ADGRL2: variants seen among roughly 807,000 people sequenced by gnomAD.
ADGRL2 encodes the protein adhesion G protein-coupled receptor L2.
In ADGRL2, 44 loss-of-function variants were observed where a neutral mutation model predicts 157.4. The observed-to-expected ratio is 0.28, with a 90% CI of 0.22 to 0.36. The LOEUF (loss-of-function observed/expected upper bound fraction) is 0.36, where lower values mean the gene tolerates loss of function less well. Among genes scored for constraint, ADGRL2 ranks in the 10% least tolerant of loss-of-function variants. The pLI is 1.00. For missense variants in ADGRL2, 1,510 were observed against 1,768.9 expected (o/e 0.85, Z 2.63); for synonymous variants, 585 against 624.7 (o/e 0.94, Z 0.95).
At chr1:81,575,945 G>A (rs2080790178) in intron 2 of ADGRL2, among the ~76,000 whole-genome samples, 1 of 152,040 alleles carries the variant, frequency 6.6e-6, no homozygotes, top group Non-Finnish European at 1.5e-5. Flanking sequence ...TCACTGATTA[G>A]CAACACATTA....
intron 11 of ADGRL2, among the ~76,000 whole-genome samples, chr1:81,963,548 C>T (rs1656126518): frequency 6.6e-6 from 1 of 151,836 alleles, no homozygotes; most frequent in South Asian, 2.1e-4. Context: ...GATAAGAAAA[C>T]TTCTATCTGG....
intron 2 of ADGRL2, among the ~76,000 whole-genome samples, chr1:81,468,515 CA>C (rs1298376328): frequency 6.6e-6 from 1 of 152,052 alleles, no homozygotes; most frequent in Non-Finnish European, 1.5e-5. Flanking sequence ...TTTTCTGTGA[CA>C]ACAATGAATA....
chr1:81,964,213 T>C (rs1656376297), intron 11 of ADGRL2, among the ~76,000 whole-genome samples: 1 of 152,102 alleles, frequency 6.6e-6, no homozygotes, highest in South Asian at 2.1e-4. Flanking sequence ...GATAAGTAAA[T>C]ATTTGTTTAA....
chr1:81,310,112 C>T (rs530980094), intron 1 of ADGRL2, among the ~76,000 whole-genome samples: 14 of 152,220 alleles, frequency 9.2e-5, no homozygotes, highest in African/African-American at 2.9e-4. Context: ...TACACCAGCA[C>T]ATTAGAAAAG....
At chr1:81,519,747 G>T (rs1028066223) in intron 2 of ADGRL2, among the ~76,000 whole-genome samples, 3 of 152,138 alleles carry the variant, frequency 2.0e-5, no homozygotes, top group Admixed American at 6.6e-5. Flanking sequence ...AAGGTTGTGT[G>T]CCCAAAGTGA....
At chr1:81,958,492 C>T (rs987790721) in intron 11 of ADGRL2, among the ~76,000 whole-genome samples, 1 of 152,100 alleles carries the variant, frequency 6.6e-6, no homozygotes, top group African/African-American at 2.4e-5. Context: ...GTTATTAAAA[C>T]AATTTGATTT....
At chr1:81,528,441 A>T (rs1186615776) in intron 2 of ADGRL2, among the ~76,000 whole-genome samples, 1 of 151,990 alleles carries the variant, frequency 6.6e-6, no homozygotes, top group Non-Finnish European at 1.5e-5. Context: ...AGGTCAGGAG[A>T]TCGAGACCAT....
At chr1:81,314,465 C>T (rs114937032) in intron 1 of ADGRL2, among the ~76,000 whole-genome samples, 3 of 151,970 alleles carry the variant, frequency 2.0e-5, no homozygotes, top group Non-Finnish European at 4.4e-5. Context: ...AGGGTTTGCC[C>T]TCAGTAATAT....
intron 1 of ADGRL2, among the ~76,000 whole-genome samples, chr1:81,808,322 G>A (rs973492647): frequency 1.3e-5 from 2 of 151,980 alleles, no homozygotes; most frequent in African/African-American, 4.8e-5. Context: ...TGGTTTGTAG[G>A]AACTCGCCAG....
chr1:81,623,008 C>A (rs956913923), intron 3 of ADGRL2, among the ~76,000 whole-genome samples: 1 of 152,154 alleles, frequency 6.6e-6, no homozygotes, highest in African/African-American at 2.4e-5. Flanking sequence ...TGAGCCACAT[C>A]AGAATTTTCA....
intron 2 of ADGRL2, among the ~76,000 whole-genome samples, chr1:81,880,684 C>T (rs1000455449): frequency 1.3e-5 from 2 of 151,918 alleles, no homozygotes; most frequent in African/African-American, 2.4e-5. Flanking sequence ...CGCCCCATTC[C>T]GTCCAGTGCA....
chr1:81,515,226 A>G (rs2079152577), intron 2 of ADGRL2: 1 of 152,168 alleles, frequency 6.6e-6, no homozygotes, highest in African/African-American at 2.4e-5. Flanking sequence ...AGGAAAAATA[A>G]ATCATTTAAA....
intron 2 of ADGRL2, among the ~76,000 whole-genome samples, chr1:81,767,670 G>A (rs193043510): frequency 2.6e-5 from 4 of 151,918 alleles, no homozygotes; most frequent in African/African-American, 4.8e-5. Context: ...CCAGGAGTTC[G>A]AGATCAGCCT....
At chr1:81,669,310 A>G (rs965468216) in intron 3 of ADGRL2, among the ~76,000 whole-genome samples, 7 of 152,084 alleles carry the variant, frequency 4.6e-5, no homozygotes, top group Non-Finnish European at 8.8e-5. Flanking sequence ...GATACTGAGG[A>G]GACTGAGGCG....
intron 3 of ADGRL2, among the ~76,000 whole-genome samples, chr1:81,914,188 A>T (rs1345762590): frequency 6.6e-6 from 1 of 152,246 alleles, no homozygotes; most frequent in Admixed American, 6.5e-5. Flanking sequence ...TTTTACATTG[A>T]TCATCCATTC....
At position 81,990,377 on chromosome 1, in the gene ADGRL2, C is replaced by G. The variant is rs201201890; in HGVS notation, c.3656-14C>G. On this transcript the variant is annotated splice_polypyrimidine_tract_variant and intron_variant, in intron 23 of 23. Coordinates refer to ENST00000686636, the MANE Select transcript of ADGRL2 (RefSeq NM_001366006.2). ...ACAGAGACAGTAATGATAACTCCCC[C>G]TCTTCTGTTTCAGGACATTCACTGA... 423 of 1,606,880 alleles carry G rather than the reference C, an allele frequency of 2.6e-4. 7 individuals are homozygous for G. In the East Asian group the frequency reaches 7.6e-3, roughly 29 times the overall value.
chr1:81,322,006 T>C (rs1660535627), intron 1 of ADGRL2, among the ~76,000 whole-genome samples: 1 of 150,490 alleles, frequency 6.6e-6, no homozygotes, highest in African/African-American at 2.4e-5. Context: ...AAAAAACAAG[T>C]TTATTTAAAT....
intron 1 of ADGRL2, among the ~76,000 whole-genome samples, chr1:81,325,685 C>T (rs1436100084): frequency 1.3e-5 from 2 of 152,212 alleles, no homozygotes; most frequent in East Asian, 1.9e-4. Context: ...CTCATGCAAA[C>T]GTCTTTAATT....
intron 2 of ADGRL2, among the ~76,000 whole-genome samples, chr1:81,576,621 T>C (rs1276311433): frequency 6.6e-6 from 1 of 152,046 alleles, no homozygotes; most frequent in Non-Finnish European, 1.5e-5. Context: ...TGGTGGAATG[T>C]TTAGTTCGGC....
Sources: allele counts gnomAD v4.1 joint callset (sites outside exome capture counted in the v4.1 genomes callset), GRCh38; gene constraint gnomAD v4.1.1; transcripts MANE v1.5; gene names NCBI Gene and HGNC (gene_info 2026-07-23, HGNC 2026-07-21).